Variants in GABRP observed in about 807,000 individuals in gnomAD.
GABRP encodes the protein gamma-aminobutyric acid type A receptor subunit pi, also known as gamma-aminobutyric acid receptor subunit pi.
A neutral mutation model predicts 47.8 loss-of-function variants in GABRP; 52 were observed. The observed-to-expected ratio is 1.09, with a 90% CI of 0.87 to 1.37. GABRP has a LOEUF of 1.37. Among genes scored for constraint, GABRP ranks in the 40% most tolerant of loss-of-function variants. The pLI is 0.00. For synonymous variants in GABRP, 221 were observed against 205.8 expected, an observed-to-expected ratio of 1.07 and a Z score of -0.63; for missense variants, 525 against 542.8, an observed-to-expected ratio of 0.97 and a Z score of 0.33.
chr5:170,801,785 T>C (rs1451926415), intron 6 of GABRP, among the ~76,000 whole-genome samples: 1 of 151,654 alleles, frequency 6.6e-6, no homozygotes, highest in Non-Finnish European at 1.5e-5. Flanking sequence ...CTTCGAGAAC[T>C]CTACAGTCTA....
chr5:170,783,400 C>T (rs879669987), upstream of GABRP, among the ~76,000 whole-genome samples: 4 of 152,132 alleles, frequency 2.6e-5, no homozygotes, highest in Non-Finnish European at 4.4e-5. Flanking sequence ...CATTCCATTG[C>T]ACCAGGGTGG....
chr5:170,784,733 T>G (rs1765085535), intron 1 of GABRP, among the ~76,000 whole-genome samples: 1 of 152,222 alleles, frequency 6.6e-6, no homozygotes, highest in Non-Finnish European at 1.5e-5. Flanking sequence ...GTTTATTGAA[T>G]GCTTTCTATT....
chr5:170,784,208 C>T (rs1391463007), intron 1 of GABRP, among the ~76,000 whole-genome samples: 2 of 152,202 alleles, frequency 1.3e-5, no homozygotes, highest in East Asian at 1.9e-4. Context: ...GGGCTCTACT[C>T]CTGCTTTCCA....
At chr5:170,788,332 G>C (rs1581587326) in intron 1 of GABRP, 1 of 312,962 alleles carries the variant, frequency 3.2e-6, no homozygotes, top group Admixed American at 4.7e-5. Flanking sequence ...CTGGATGACA[G>C]AGTGAGGCCC....
intron 1 of GABRP, among the ~76,000 whole-genome samples, chr5:170,784,673 C>T (rs1765083257): frequency 6.6e-6 from 1 of 152,182 alleles, no homozygotes; most frequent in Non-Finnish European, 1.5e-5. Context: ...ATAGTGGAAT[C>T]ACTGAATTCC....
intron 3 of GABRP, among the ~76,000 whole-genome samples, chr5:170,792,844 G>A (rs561876647): frequency 2.0e-5 from 3 of 152,196 alleles, no homozygotes; most frequent in East Asian, 3.9e-4. Context: ...TTTGAAATCC[G>A]CCTGGCCTCT....
chr5:170,788,637 G>A lies in GABRP; in HGVS notation c.22G>A (p.Ala8Thr), dbSNP rs144477322. The change falls in exon 2 of 10, where the codon GCC (alanine) becomes ACC (threonine). Residue 8 changes from alanine to threonine, a missense_variant. By Grantham distance (58) the Ala-to-Thr change is moderately conservative. Transcript: ENST00000265294. The stretch of plus-strand genomic sequence containing the variant: ...CAACATGAACTACAGCCTCCACTTG[G>A]CCTTCGTGTGTCTGAGTCTCTTCAC... MNYSLHL[A>T]FVCLSLFTER... 70 of 1,613,994 alleles carry A rather than the reference G, an allele frequency of 4.3e-5. No homozygotes were observed. The highest frequency in any genetic ancestry group is 5.8e-5 in the Non-Finnish European group (68 of 1,180,016).
At position 170,805,782 on chromosome 5, in the gene GABRP, A is replaced by G; in HGVS notation, c.608A>G (p.Glu203Gly). 6.2e-7 allele frequency: 1 copy of G among 1,614,226 alleles called. No homozygotes were observed. The highest frequency in any genetic ancestry group is 2.2e-5 in the East Asian group (1 of 44,894). ...GGGAACGACTCTGTGCGTGGACTGG[A>G]ACACCTGCGGCTTGCTCAGTACACC... ...LRGNDSVRGL[E>G]HLRLAQYTIE... The change falls in exon 7 of 10, where the codon GAA (glutamate) becomes GGA (glycine). Residue 203 changes from glutamate (E) to glycine (G), a missense_variant. By Grantham distance (98) the Glu-to-Gly change is moderately conservative. Coordinates refer to ENST00000265294, the MANE Select transcript of GABRP (RefSeq NM_014211.3).
chr5:170,787,755 T>C (rs1765164505), intron 1 of GABRP, among the ~76,000 whole-genome samples: 1 of 151,998 alleles, frequency 6.6e-6, no homozygotes, highest in African/African-American at 2.4e-5. Flanking sequence ...GAGGATGGAG[T>C]GAGCTCTGTG....
chr5:170,794,184 C>T (rs200200223), intron 3 of GABRP, 47 bp from the exon 4 acceptor site: 1 of 1,332,164 alleles, frequency 7.5e-7, no homozygotes, highest in Admixed American at 1.8e-5. Context: ...AGTATTAAGA[C>T]AGCTCATGGT....
At chr5:170,796,417 T>A (rs1229196291) in intron 5 of GABRP, among the ~76,000 whole-genome samples, 1 of 152,168 alleles carries the variant, frequency 6.6e-6, no homozygotes, top group African/African-American at 2.4e-5. Context: ...TGTGTGTCTG[T>A]CTGTATTATG....
In GABRP at chr5:170,786,172, A is replaced by G. The variant is rs7710184; in HGVS notation, c.-43+2298A>G. 6.2e-3 allele frequency among the ~76,000 whole-genome samples: 940 copies of G among 152,282 alleles called. 10 individuals carry two copies. The highest frequency in any genetic ancestry group is 0.022 in the African/African-American group (904 of 41,554). On this transcript the variant is annotated intron_variant, in intron 1 of 9. Transcript: ENST00000265294. The stretch of plus-strand genomic sequence containing the variant: ...GCTCAATAAACCTGTGGAAAATTGA[A>G]TGAGGCAATGGAGGGCATGGGAGCT...
intron 7 of GABRP, among the ~76,000 whole-genome samples, chr5:170,806,089 C>T (rs1013000809): frequency 2.0e-5 from 3 of 152,182 alleles, no homozygotes; most frequent in African/African-American, 7.2e-5. Context: ...CAGATACTTG[C>T]TAATGAGTGC....
intron 8 of GABRP, among the ~76,000 whole-genome samples, chr5:170,809,339 C>T (rs181620386): frequency 4.8e-4 from 73 of 152,214 alleles, no homozygotes; most frequent in Non-Finnish European, 9.9e-4. Context: ...TCACCCCCTC[C>T]CAGGAGAAGA....
chr5:170,802,808 T>G (rs1232057590), intron 6 of GABRP, among the ~76,000 whole-genome samples: 1 of 149,346 alleles, frequency 6.7e-6, no homozygotes, highest in Non-Finnish European at 1.5e-5. Flanking sequence ...CGGAGGGAGC[T>G]TTCTCTGTTC....
At chr5:170,803,757 G>A (rs1353242137) in intron 6 of GABRP, among the ~76,000 whole-genome samples, 1 of 110,278 alleles carries the variant, frequency 9.1e-6, no homozygotes, top group African/African-American at 3.2e-5. Flanking sequence ...TGGTTGGTTG[G>A]TTGGTTGGTT....
chr5:170,795,649 G>T (rs776960029), intron 5 of GABRP, among the ~76,000 whole-genome samples: 5 of 152,198 alleles, frequency 3.3e-5, no homozygotes, highest in Non-Finnish European at 7.3e-5. Flanking sequence ...GCTGAGTAAG[G>T]CATTGACCTG....
chr5:170,800,182 A>C (rs1419676940), intron 6 of GABRP, among the ~76,000 whole-genome samples: 2 of 152,224 alleles, frequency 1.3e-5, no homozygotes, highest in Admixed American at 6.5e-5. Flanking sequence ...CTCAGAAATA[A>C]TACCACACAT....
Position 170,809,570 on chromosome 5 carries a change from G to A in GABRP, c.835G>A (p.Val279Met). ...DSVPARTCIG[V>M]TTVLSMTTLM... is the part of the protein sequence containing the mutation. ...ACATCCCCTGCCTGTTTTCCCAGGAGTGACGACCGTGTTATCAATGACCAC... is the reference window on the plus strand; with the variant it reads ...ACATCCCCTGCCTGTTTTCCCAGGAATGACGACCGTGTTATCAATGACCAC... Residue 279 changes from valine (V) to methionine (M), a missense_variant and splice_region_variant, in exon 9 of 10, where the codon GTG becomes ATG. Transcript: ENST00000265294. 2 of 1,613,660 alleles carry A rather than the reference G, an allele frequency of 1.2e-6. No individual in the cohort carries two copies. The highest frequency in any genetic ancestry group is 1.1e-5 in the South Asian group (1 of 91,040).
Sources: allele counts gnomAD v4.1 joint callset (sites outside exome capture counted in the v4.1 genomes callset), GRCh38; gene constraint gnomAD v4.1.1; transcripts MANE v1.5; gene names NCBI Gene and HGNC (gene_info 2026-07-23, HGNC 2026-07-21).